Variants in SKAP2 observed in about 807,000 individuals in gnomAD.
SKAP2 encodes src kinase associated phosphoprotein 2.
Under a neutral mutation model 54.9 loss-of-function variants are expected in SKAP2, and 28 were observed. That is an observed-to-expected ratio of 0.51 (90% confidence interval 0.38 to 0.70). The LOEUF (loss-of-function observed/expected upper bound fraction) is 0.70. SKAP2 is among the 30% of genes least tolerant of loss of function. The probability of loss-of-function intolerance (pLI) is 0.00; values close to 1 mark genes in which losing one functional copy is unlikely to be tolerated. For synonymous variants in SKAP2, 137 were observed against 134.3 expected (o/e 1.02, Z -0.14); for missense variants, 356 against 424.1 (o/e 0.84, Z 1.41).
intron 5 of SKAP2, 109 bp downstream of exon 5, chr7:26,739,778 A>T: frequency 1.4e-6 from 1 of 720,806 alleles, no homozygotes; most frequent in Non-Finnish European, 2.3e-6. Flanking sequence ...TACAATCTTT[A>T]AACTCTTTAA....
downstream of SKAP2, among the ~76,000 whole-genome samples, chr7:26,664,813 C>T (rs144109775): frequency 0.02 from 3,068 of 151,648 alleles, 94 homozygotes; most frequent in African/African-American, 0.07. Context: ...AAGAGATGGG[C>T]TTTGGGAGCA....
At chr7:26,675,684 T>C (rs567001254) in intron 11 of SKAP2, among the ~76,000 whole-genome samples, 2 of 152,346 alleles carry the variant, frequency 1.3e-5, no homozygotes, top group South Asian at 4.1e-4. Flanking sequence ...TAGTAATGTA[T>C]TTTCTTTTGT....
chr7:26,714,484 TAAGTTA>T lies in SKAP2; in HGVS notation c.796+10938_796+10943del, dbSNP rs202151134. ...AGGTAAAATTTCACTTAAGCTTGAT[TAAGTTA>T]AATTGGATTTTTTCCCATTTTGTTG... On this transcript the variant is annotated intron_variant, in intron 9 of 12. Transcript: ENST00000345317. Among the ~76,000 whole-genome samples, 709 of 152,326 alleles carry T rather than the reference TAAGTTA, an allele frequency of 4.7e-3. 5 individuals are homozygous for T. Among genetic ancestry groups the T allele is most frequent in the African/African-American group, 0.016 (669 of 41,572 alleles).
At chr7:26,728,082 G>A (rs144270990) in intron 6 of SKAP2, among the ~76,000 whole-genome samples, 1 of 151,678 alleles carries the variant, frequency 6.6e-6, no homozygotes, top group Admixed American at 6.6e-5. Flanking sequence ...AATATCAAAT[G>A]AGAAAAAAAA....
chr7:26,692,748 G>A (rs1190552335), intron 9 of SKAP2, among the ~76,000 whole-genome samples: 3 of 152,082 alleles, frequency 2.0e-5, no homozygotes, highest in African/African-American at 7.2e-5. Flanking sequence ...TTAAAGGCTA[G>A]CTTTAATAAA....
intron 4 of SKAP2, among the ~76,000 whole-genome samples, chr7:26,789,331 A>G (rs1005887992): frequency 6.6e-6 from 1 of 152,232 alleles, no homozygotes; most frequent in Non-Finnish European, 1.5e-5. Context: ...TAGGATTTAT[A>G]AGTGCCACTT....
At chr7:26,853,905 T>C (rs3213853) in intron 3 of SKAP2, among the ~76,000 whole-genome samples, 32,424 of 152,076 alleles carry the variant, frequency 0.21, 3,556 homozygotes, top group Non-Finnish European at 0.24. Flanking sequence ...CTAAGAATGT[T>C]AAATGCCTAA....
intron 4 of SKAP2, among the ~76,000 whole-genome samples, chr7:26,813,859 G>A (rs1487811261): frequency 6.6e-6 from 1 of 152,138 alleles, no homozygotes; most frequent in East Asian, 1.9e-4. Context: ...TATGTAATTT[G>A]CCACAGAAAG....
At chr7:26,680,252 A>G (rs1786462131) in intron 11 of SKAP2, among the ~76,000 whole-genome samples, 1 of 152,232 alleles carries the variant, frequency 6.6e-6, no homozygotes, top group African/African-American at 2.4e-5. Context: ...ATAGAATAAC[A>G]TAACCAAAAA....
intron 4 of SKAP2, among the ~76,000 whole-genome samples, chr7:26,775,555 G>C (rs1341943647): frequency 2.7e-5 from 4 of 150,234 alleles, no homozygotes; most frequent in African/African-American, 1.0e-4. Flanking sequence ...GTGTGTGTGT[G>C]TGTGTGTGTG....
Position 26,795,096 on chromosome 7 carries a change from A to AATTTT in SKAP2, c.307+48933_307+48934insAAAAT, listed in dbSNP as rs568745687. Among the ~76,000 whole-genome samples the AATTTT allele has an allele frequency of 5.8e-4, 88 of 152,282 alleles. 2 individuals carry two copies. In the South Asian group the frequency reaches 0.018, roughly 31 times the overall value. ...AAAGAGATTTTACTAATAAACAGAA[A>AATTTT]ATGTCCTAAAAGTTCAAAAGAGAAG... On this transcript the variant is annotated intron_variant, in intron 4 of 12. Transcript: ENST00000345317.
intron 11 of SKAP2, among the ~76,000 whole-genome samples, chr7:26,679,774 C>CA (rs1448747766): frequency 6.6e-6 from 1 of 151,752 alleles, no homozygotes; most frequent in Non-Finnish European, 1.5e-5. Flanking sequence ...GGTTTGAAGC[C>CA]AAAAAAAGCC....
chr7:26,832,671 C>A (rs1024049770), intron 4 of SKAP2, among the ~76,000 whole-genome samples: 4 of 152,060 alleles, frequency 2.6e-5, no homozygotes, highest in South Asian at 4.1e-4. Flanking sequence ...AAGAAGAAAG[C>A]TTTAATAAAA....
chr7:26,768,619 T>G (rs1294949863), intron 4 of SKAP2, among the ~76,000 whole-genome samples: 4 of 152,240 alleles, frequency 2.6e-5, no homozygotes, highest in African/African-American at 7.2e-5. Context: ...CCATGTTTAA[T>G]GCTTCCTTCA....
intron 11 of SKAP2, among the ~76,000 whole-genome samples, chr7:26,683,475 A>T (rs141248397): frequency 6.6e-6 from 1 of 151,988 alleles, no homozygotes; most frequent in African/African-American, 2.4e-5. Flanking sequence ...GGCTTTATTT[A>T]TTTTATCACA....
intron 4 of SKAP2, among the ~76,000 whole-genome samples, chr7:26,801,828 A>G (rs949763157): frequency 5.3e-5 from 8 of 152,208 alleles, no homozygotes; most frequent in Non-Finnish European, 2.9e-5. Flanking sequence ...TGAAAACTAT[A>G]AAATACTTAT....
chr7:26,780,021 A>C (rs1160374050), intron 4 of SKAP2, among the ~76,000 whole-genome samples: 1 of 152,032 alleles, frequency 6.6e-6, no homozygotes, highest in Non-Finnish European at 1.5e-5. Flanking sequence ...CAAGAAATAT[A>C]ATATATTCAA....
intron 4 of SKAP2, among the ~76,000 whole-genome samples, chr7:26,841,417 C>T (rs1192377464): frequency 6.6e-6 from 1 of 151,742 alleles, no homozygotes; most frequent in Admixed American, 6.6e-5. Context: ...TTGTTTTCAT[C>T]CCCATTCAAT....
At chr7:26,807,984 T>C (rs1201450924) in intron 4 of SKAP2, among the ~76,000 whole-genome samples, 3 of 152,366 alleles carry the variant, frequency 2.0e-5, no homozygotes, top group Admixed American at 2.0e-4. Context: ...ATAACTTTTA[T>C]GCATATAAAT....
Sources: allele counts gnomAD v4.1 joint callset (sites outside exome capture counted in the v4.1 genomes callset), GRCh38; gene constraint gnomAD v4.1.1; transcripts MANE v1.5; gene names NCBI Gene and HGNC (gene_info 2026-07-23, HGNC 2026-07-21).